Variants in GLIS3 observed in about 807,000 individuals in gnomAD.
GLIS3 encodes zinc finger protein GLIS3.
Under a neutral mutation model 78.6 loss-of-function variants are expected in GLIS3, and 53 were observed. The ratio of observed to expected loss-of-function variants is 0.67; its 90% confidence interval spans 0.54 to 0.85. The LOEUF (loss-of-function observed/expected upper bound fraction) is 0.85. Among genes scored for constraint, GLIS3 ranks in the 40% least tolerant of loss-of-function variants. GLIS3 has a pLI of 0.00. For synonymous variants in GLIS3, 684 were observed against 509.9 expected, an observed-to-expected ratio of 1.34 and a Z score of -4.60; for missense variants, 1,703 against 1,231.1, an observed-to-expected ratio of 1.38 and a Z score of -5.74.
intron 8 of GLIS3, 46 bp from the exon 9 acceptor site, chr9:3,856,230 A>G: frequency 6.4e-7 from 1 of 1,558,738 alleles, no homozygotes; most frequent in Non-Finnish European, 8.8e-7. Flanking sequence ...ATAAAACAGC[A>G]GGAACAAAGA....
rs554624011 is a variant in GLIS3 at position 3,970,631 on chromosome 9, T to C, written c.1711-33442A>G. ...ACTATCTGGCTGAAAATATTAGTAA[T>C]GTAGAGGTTGAGAAGCCCTATCCTA... On this transcript the variant is annotated intron_variant, in intron 4 of 10. Transcript: ENST00000381971. Among the ~76,000 whole-genome samples, 234 of 152,214 alleles carry C rather than the reference T, an allele frequency of 1.5e-3. 1 individual carries two copies. The highest frequency in any genetic ancestry group is 5.5e-3 in the African/African-American group (227 of 41,522).
At chr9:3,923,966 T>A (rs548806407) in intron 6 of GLIS3, among the ~76,000 whole-genome samples, 4 of 152,218 alleles carry the variant, frequency 2.6e-5, no homozygotes, top group Non-Finnish European at 5.9e-5. Flanking sequence ...AAAAATACAT[T>A]TTGCATATAA....
chr9:4,268,415 C>T (rs1337122596), intron 2 of GLIS3, among the ~76,000 whole-genome samples: 2 of 152,098 alleles, frequency 1.3e-5, no homozygotes, highest in African/African-American at 4.8e-5. Context: ...TAAAGAAATT[C>T]TGAAAAGGAG....
At chr9:4,070,054 C>CT (rs2130626853) in intron 4 of GLIS3, among the ~76,000 whole-genome samples, 1 of 152,158 alleles carries the variant, frequency 6.6e-6, no homozygotes, top group South Asian at 2.1e-4. Context: ...GTCCAGCTTA[C>CT]TTTTATCTGT....
At chr9:3,905,406 A>T (rs1393351223) in intron 6 of GLIS3, among the ~76,000 whole-genome samples, 3 of 152,110 alleles carry the variant, frequency 2.0e-5, no homozygotes, top group Non-Finnish European at 1.5e-5. Flanking sequence ...ACCACTGTGT[A>T]TATTCTGACA....
intron 2 of GLIS3, among the ~76,000 whole-genome samples, chr9:4,243,641 G>A (rs1454866217): frequency 6.6e-6 from 1 of 152,194 alleles, no homozygotes; most frequent in East Asian, 1.9e-4. Context: ...TTTCAAATAT[G>A]TGAAGGGTTA....
At chr9:4,193,678 G>C (rs908672288) in intron 2 of GLIS3, among the ~76,000 whole-genome samples, 1 of 152,228 alleles carries the variant, frequency 6.6e-6, no homozygotes, top group South Asian at 2.1e-4. Flanking sequence ...AATAACTAGG[G>C]AAGATGGTGG....
At chr9:4,151,351 T>C (rs1474169642) in intron 2 of GLIS3, among the ~76,000 whole-genome samples, 1 of 152,222 alleles carries the variant, frequency 6.6e-6, no homozygotes, top group Admixed American at 6.5e-5. Flanking sequence ...TCAAACTATA[T>C]GTTTTAGCAG....
chr9:3,935,374 T>C (rs879289523), intron 5 of GLIS3, among the ~76,000 whole-genome samples: 6 of 152,024 alleles, frequency 3.9e-5, no homozygotes, highest in African/African-American at 7.3e-5. Context: ...TTAAAAGCGA[T>C]TGCATTAACA....
At chr9:4,129,810 G>T (rs1368047806) in intron 2 of GLIS3, among the ~76,000 whole-genome samples, 2 of 152,190 alleles carry the variant, frequency 1.3e-5, no homozygotes, top group Non-Finnish European at 2.9e-5. Context: ...TTTGGAATTG[G>T]GTATGGACAG....
chr9:4,023,169 A>T (rs908029393), intron 4 of GLIS3, among the ~76,000 whole-genome samples: 5 of 152,156 alleles, frequency 3.3e-5, no homozygotes, highest in East Asian at 1.9e-4. Context: ...ATACTTAAAA[A>T]TTTTTTTAAG....
Position 4,286,233 on chromosome 9 carries a change from C to G in GLIS3, c.193G>C (p.Gly65Arg), listed in dbSNP as rs1345352993. ...TTGTTCTGAGGAGCCATCCCTCCTC[C>G]TGAGGGCATCTTGAGATGGAGGTTG... ...ANNLHLKMPS[G>R]GGMAPQNNVA... Residue 65 changes from glycine (G) to arginine (R), a missense_variant, in exon 2 of 11, where the codon GGA becomes CGA. Coordinates refer to ENST00000381971, the MANE Select transcript of GLIS3 (RefSeq NM_001042413.2). 1 of 1,614,110 alleles carries G rather than the reference C, an allele frequency of 6.2e-7. No homozygotes were observed. The highest frequency in any genetic ancestry group is 1.3e-5 in the African/African-American group (1 of 74,952).
At chr9:3,994,939 G>A (rs1351428568) in intron 4 of GLIS3, among the ~76,000 whole-genome samples, 1 of 152,198 alleles carries the variant, frequency 6.6e-6, no homozygotes, top group African/African-American at 2.4e-5. Flanking sequence ...GCAATCAGGA[G>A]CAGAGAGCAA....
At chr9:3,831,440 A>C (rs1015503515) in intron 9 of GLIS3, among the ~76,000 whole-genome samples, 1 of 152,234 alleles carries the variant, frequency 6.6e-6, no homozygotes, top group African/African-American at 2.4e-5. Context: ...TCTACCTATC[A>C]CATTGGCAAA....
the GLIS3 span, among the ~76,000 whole-genome samples, chr9:4,424,402 A>G: frequency 6.6e-6 from 1 of 152,206 alleles, no homozygotes; most frequent in Non-Finnish European, 1.5e-5. Context: ...TTTAATTAGA[A>G]TAGGCCTGTA....
At chr9:4,281,030 G>C (rs543393833) in intron 2 of GLIS3, among the ~76,000 whole-genome samples, 1 of 152,292 alleles carries the variant, frequency 6.6e-6, no homozygotes, top group Non-Finnish European at 1.5e-5. Flanking sequence ...CATTTATCAA[G>C]TAGTTAGGTG....
At chr9:4,102,867 T>C (rs1217453108) in intron 4 of GLIS3, among the ~76,000 whole-genome samples, 1 of 152,078 alleles carries the variant, frequency 6.6e-6, no homozygotes, top group Non-Finnish European at 1.5e-5. Context: ...GCAACCTCCA[T>C]TTTCTTTTCT....
intron 2 of GLIS3, among the ~76,000 whole-genome samples, chr9:4,204,684 G>A (rs572208065): frequency 1.3e-5 from 2 of 152,122 alleles, no homozygotes; most frequent in Non-Finnish European, 2.9e-5. Flanking sequence ...TTGGGAGGCC[G>A]AGGCGGGCAG....
intron 2 of GLIS3, among the ~76,000 whole-genome samples, chr9:4,184,802 G>A (rs1817630482): frequency 6.6e-6 from 1 of 152,164 alleles, no homozygotes; most frequent in African/African-American, 2.4e-5. Flanking sequence ...ATTGTGGGGT[G>A]GAGGAGGGAG....
Sources: gnomAD v4.1 joint callset for allele counts (sites outside exome capture counted in the v4.1 genomes callset) on GRCh38, gnomAD v4.1.1 for gene constraint, MANE v1.5 for transcripts, NCBI Gene and HGNC (gene_info 2026-07-23, HGNC 2026-07-21) for gene names.